ZZEF1: variants seen among roughly 807,000 people sequenced by gnomAD.
ZZEF1 encodes the protein zinc finger ZZ-type and EF-hand domain-containing protein 1.
In ZZEF1, 157 loss-of-function variants were observed where a neutral mutation model predicts 342.8. That is an observed-to-expected ratio of 0.46 (90% confidence interval 0.40 to 0.52). ZZEF1 has a LOEUF of 0.52. Ranked by LOEUF, ZZEF1 falls within the 20% of genes least tolerant of loss-of-function variation. ZZEF1 has a pLI of 0.00. For missense variants in ZZEF1, 3,480 were observed against 3,725.6 expected (o/e 0.93, Z 1.72); for synonymous variants, 1,505 against 1,429.1 (o/e 1.05, Z -1.20).
intron 1 of ZZEF1, among the ~76,000 whole-genome samples, chr17:4,126,371 C>T (rs1430464122): frequency 6.6e-6 from 1 of 152,094 alleles, no homozygotes; most frequent in Non-Finnish European, 1.5e-5. Context: ...ACGCATTTAC[C>T]TCTGTTCCCT....
chr17:4,080,313 A>C (rs1048303135), intron 18 of ZZEF1, among the ~76,000 whole-genome samples: 5 of 151,660 alleles, frequency 3.3e-5, no homozygotes, highest in Non-Finnish European at 5.9e-5. Context: ...ATTGCTAAGA[A>C]ATCTGAATTT....
At position 4,038,787 on chromosome 17, in the gene ZZEF1, CAG is replaced by C. The variant is rs2056732936; in HGVS notation, c.6306+3640_6306+3641del. On this transcript the variant is annotated intron_variant, in intron 39 of 54. Coordinates refer to ENST00000381638, the MANE Select transcript of ZZEF1 (RefSeq NM_015113.4). ...CTCCACTGCACTCCAGCCTGGGCAA[CAG>C]AGCAAGACTCTGTCTCAAAAAACAA... is the stretch of plus-strand genomic sequence containing the variant. Among the ~76,000 whole-genome samples, 4 of 151,476 alleles carry C rather than the reference CAG, an allele frequency of 2.6e-5. No homozygotes were observed. The South Asian group carries it at 8.3e-4, about 31-fold the overall frequency.
At chr17:4,034,472 T>C (rs1485652042) in intron 39 of ZZEF1, among the ~76,000 whole-genome samples, 180 bp from the exon 40 acceptor site, 1 of 152,178 alleles carries the variant, frequency 6.6e-6, no homozygotes, top group Non-Finnish European at 1.5e-5. Flanking sequence ...AGCTCTCATC[T>C]TACAATCCTA....
Position 4,086,549 on chromosome 17 carries a change from C to A in ZZEF1, c.2449G>T (p.Ala817Ser), listed in dbSNP as rs777801052. The A allele has an allele frequency of 1.2e-6, 2 of 1,614,162 alleles. No individual in the cohort carries two copies. Among genetic ancestry groups the A allele is most frequent in the Middle Eastern group, 1.6e-4 (1 of 6,062 alleles). The change falls in exon 15 of 55, where the codon GCT becomes TCT. Residue 817 changes from alanine (A) to serine (S), a missense_variant. Ala to Ser is a moderately conservative substitution (Grantham distance 99). Coordinates refer to ENST00000381638, the MANE Select transcript of ZZEF1 (RefSeq NM_015113.4). ...DVLAASEEEK[A>S]PIQSPKGVEA... is the part of the protein sequence containing the mutation. ...ACTCCTTTAGGGCTTTGGATTGGAG[C>A]CTTTTCCTCCTCAGAAGCAGCCAGT... is the stretch of plus-strand genomic sequence containing the variant.
At chr17:4,117,917 C>T (rs1209254005) in intron 2 of ZZEF1, among the ~76,000 whole-genome samples, 1 of 152,122 alleles carries the variant, frequency 6.6e-6, no homozygotes, top group African/African-American at 2.4e-5. Flanking sequence ...CAGTTTCCAA[C>T]GGCATTTTAC....
intron 1 of ZZEF1, among the ~76,000 whole-genome samples, chr17:4,132,201 CTTT>C (rs34252779): frequency 3.9e-4 from 52 of 134,934 alleles, no homozygotes; most frequent in Non-Finnish European, 5.0e-4. Flanking sequence ...TAAATTTTCT[CTTT>C]TTTTTTTTTT....
intron 26 of ZZEF1, among the ~76,000 whole-genome samples, chr17:4,067,856 A>C (rs1461206744): frequency 1.3e-5 from 2 of 152,148 alleles, no homozygotes; most frequent in Non-Finnish European, 2.9e-5. Context: ...CTGAAGGTAG[A>C]TTGCTTGAGG....
intron 2 of ZZEF1, 95 bp downstream of exon 2, chr17:4,123,812 G>A: frequency 7.0e-7 from 1 of 1,427,562 alleles, no homozygotes; most frequent in Non-Finnish European, 9.5e-7. Flanking sequence ...TGTTGGGGGA[G>A]TTTACTGCAT....
chr17:4,027,627 T>C (rs2056444329), intron 42 of ZZEF1, among the ~76,000 whole-genome samples: 2 of 136,804 alleles, frequency 1.5e-5, no homozygotes, highest in African/African-American at 2.8e-5. Flanking sequence ...AGAGACAGGC[T>C]CCTGCTCTGT....
chr17:4,042,617 TGAAGAGGCAAG>T, intron 38 of ZZEF1, 49 bp from the exon 39 acceptor site: 1 of 1,589,726 alleles, frequency 6.3e-7, no homozygotes, highest in Non-Finnish European at 8.6e-7. Flanking sequence ...TCCACATGTA[TGAAGAGGCAAG>T]TAAACCACTG....
intron 6 of ZZEF1, among the ~76,000 whole-genome samples, chr17:4,108,448 T>A (rs1374152639): frequency 6.6e-6 from 1 of 152,226 alleles, no homozygotes. Context: ...TACTGAGGAA[T>A]TGTTTCAGAA....
intron 11 of ZZEF1, among the ~76,000 whole-genome samples, chr17:4,093,992 C>T (rs904802463): frequency 3.3e-5 from 5 of 152,134 alleles, no homozygotes; most frequent in Admixed American, 3.3e-4. Context: ...TGGGACACAG[C>T]TTTCCTTCAT....
At chr17:4,066,882 T>C (rs781838) in intron 27 of ZZEF1, among the ~76,000 whole-genome samples, 17,642 of 151,942 alleles carry the variant, frequency 0.12, 1,399 homozygotes, top group African/African-American at 0.21. Context: ...AAACTGGCCA[T>C]GGTTACCTAG....
At chr17:4,101,437 A>G (rs866093871) in intron 9 of ZZEF1, among the ~76,000 whole-genome samples, 45 of 152,320 alleles carry the variant, frequency 3.0e-4, no homozygotes, top group African/African-American at 1.1e-3. Context: ...AAAGGGACAC[A>G]GAGGACAATA....
chr17:4,062,552 C>T (rs2057307240), intron 30 of ZZEF1, among the ~76,000 whole-genome samples: 1 of 152,044 alleles, frequency 6.6e-6, no homozygotes, highest in Admixed American at 6.5e-5. Flanking sequence ...ATCAACTCAC[C>T]AGGAGGAATA....
intron 6 of ZZEF1, among the ~76,000 whole-genome samples, chr17:4,108,356 T>C (rs542097743): frequency 1.1e-4 from 16 of 152,080 alleles, no homozygotes; most frequent in African/African-American, 2.7e-4. Flanking sequence ...TAAACCAGAA[T>C]TGAAGGACAC....
chr17:4,111,136 T>C (rs898804170), intron 5 of ZZEF1, among the ~76,000 whole-genome samples: 1 of 152,194 alleles, frequency 6.6e-6, no homozygotes, highest in Non-Finnish European at 1.5e-5. Context: ...TAGATTTATG[T>C]GAACAGATAC....
At chr17:4,067,877 G>A (rs1317890217) in intron 26 of ZZEF1, among the ~76,000 whole-genome samples, 2 of 152,044 alleles carry the variant, frequency 1.3e-5, no homozygotes, top group African/African-American at 2.4e-5. Context: ...CCAGGAGCTC[G>A]AGACCAACCT....
chr17:4,089,296 C>T (rs1036178030), intron 12 of ZZEF1, among the ~76,000 whole-genome samples: 1 of 152,176 alleles, frequency 6.6e-6, no homozygotes, highest in African/African-American at 2.4e-5. Context: ...GCTAGAAACC[C>T]AGGAAAACAG....
Sources: allele counts gnomAD v4.1 joint callset (sites outside exome capture counted in the v4.1 genomes callset), GRCh38; gene constraint gnomAD v4.1.1; transcripts MANE v1.5; gene names NCBI Gene and HGNC (gene_info 2026-07-23, HGNC 2026-07-21).